The following BRD9 variants were observed in gnomAD, a reference collection of about 807,000 sequenced individuals.
BRD9 encodes bromodomain containing 9.
BRD9 carries 47 observed loss-of-function variants against 68.7 expected under a neutral mutation model. The ratio of observed to expected loss-of-function variants is 0.68; its 90% CI spans 0.54 to 0.87. The LOEUF (loss-of-function observed/expected upper bound fraction) is 0.87. Among genes scored for constraint, BRD9 ranks in the 40% least tolerant of loss-of-function variants. The probability of loss-of-function intolerance (pLI) is 0.00; values close to 1 mark genes in which losing one functional copy is unlikely to be tolerated. For missense variants in BRD9, 670 were observed against 748.4 expected, an observed-to-expected ratio of 0.90 and a Z score of 1.22; for synonymous variants, 313 against 293.9, an observed-to-expected ratio of 1.06 and a Z score of -0.67.
At position 892,599 on chromosome 5, in the gene BRD9, G is replaced by T; in HGVS notation, c.52+7C>A. On this transcript the variant is annotated splice_region_variant and intron_variant, in intron 1 of 15. Transcript: ENST00000467963. ...CCGCCGCGCGTCACAAAGCGCCGCC[G>T]CCTCACCCTCGTAGGACGAGCGCCA... is the stretch of plus-strand genomic sequence containing the variant. The T allele has an allele frequency of 6.5e-7, 1 of 1,535,722 alleles. No homozygotes were observed. The highest frequency in any genetic ancestry group is 8.8e-7 in the Non-Finnish European group (1 of 1,140,630).
At chr5:870,180 G>A in intron 14 of BRD9, 1 of 317,580 alleles carries the variant, frequency 3.1e-6, no homozygotes, top group Non-Finnish European at 5.9e-6. Context: ...CATGGAGGCG[G>A]TAGGCAACAC....
At chr5:877,075 C>G (rs1478345035) in intron 11 of BRD9, among the ~76,000 whole-genome samples, 2 of 152,210 alleles carry the variant, frequency 1.3e-5, no homozygotes, top group Non-Finnish European at 2.9e-5. Flanking sequence ...TTCTTCACGG[C>G]AACATGGAAC....
At position 892,671 on chromosome 5, in the gene BRD9, G is replaced by T. The variant is rs1753640708; in HGVS notation, c.-14C>A. 2.1e-6 allele frequency: 3 copies of T among 1,407,866 alleles called. No homozygotes were observed. Among genetic ancestry groups the T allele is most frequent in the Non-Finnish European group, 2.8e-6 (3 of 1,079,474 alleles). 87.2% of individuals were successfully genotyped at this position (1,407,866 alleles called of 1,614,324 possible). A position where few individuals can be genotyped will look rare whatever the true frequency, so the allele number is the denominator to read the frequency against. On this transcript the variant is annotated 5_prime_UTR_variant, in exon 1 of 16. Coordinates refer to ENST00000467963, the MANE Select transcript of BRD9 (RefSeq NM_023924.5). ...CTTCTTGCCCATGGCGGCGCCGGCG[G>T]CGGGCCCGAGGCGGGGGCTGGGAAC...
intron 8 of BRD9, chr5:882,060 C>G (rs937901564): frequency 7.2e-5 from 11 of 152,676 alleles, no homozygotes; most frequent in African/African-American, 2.7e-4. Flanking sequence ...GGTGCAGACA[C>G]ACACAACAGG....
At chr5:886,951 C>G in intron 6 of BRD9, 1 of 598,090 alleles carries the variant, frequency 1.7e-6, no homozygotes, top group Non-Finnish European at 2.9e-6. Flanking sequence ...AGGTGCCGCA[C>G]CTCCCCTTTA....
chr5:870,627 A>C (rs1750005625), intron 13 of BRD9, 52 bp from the exon 14 acceptor site: 1 of 1,270,462 alleles, frequency 7.9e-7, no homozygotes, highest in Non-Finnish European at 1.1e-6. Flanking sequence ...ACGAAAAACG[A>C]AATGTTACTT....
chr5:878,145 A>G (rs73733933), intron 11 of BRD9, among the ~76,000 whole-genome samples: 5,725 of 152,248 alleles, frequency 0.038, 341 homozygotes, highest in African/African-American at 0.13. Context: ...CGCCCTGATC[A>G]CCACCTTCTG....
intron 11 of BRD9, among the ~76,000 whole-genome samples, chr5:877,377 G>C (rs61260719): frequency 6.6e-6 from 1 of 152,084 alleles, no homozygotes; most frequent in Non-Finnish European, 1.5e-5. Flanking sequence ...CATTTTCCAC[G>C]TTTACTTCAT....
chr5:888,660 TA>T (rs1752916779), intron 5 of BRD9, among the ~76,000 whole-genome samples: 1 of 152,232 alleles, frequency 6.6e-6, no homozygotes, highest in South Asian at 2.1e-4. Flanking sequence ...TCAATTAGTG[TA>T]AGACAAAACT....
intron 6 of BRD9, 179 bp from the exon 7 acceptor site, chr5:886,886 A>G (rs759970269): frequency 1.2e-5 from 13 of 1,112,820 alleles, no homozygotes; most frequent in Non-Finnish European, 1.6e-5. Flanking sequence ...CTAACTTTCC[A>G]CGGCGGAGCA....
At chr5:880,878 C>T (rs921783179) in intron 9 of BRD9, among the ~76,000 whole-genome samples, 5 of 152,248 alleles carry the variant, frequency 3.3e-5, no homozygotes, top group Non-Finnish European at 1.5e-5. Context: ...AGTCCCGCTG[C>T]TCCCAAGGAG....
chr5:865,321 C>T (rs1749216730), intron 15 of BRD9, 93 bp downstream of exon 15: 2 of 1,437,866 alleles, frequency 1.4e-6, no homozygotes, highest in Admixed American at 4.7e-5. Flanking sequence ...CTCCAGCCTT[C>T]CCACAACTAC....
At chr5:886,987 G>C (rs1752670599) in intron 6 of BRD9, 1 of 533,470 alleles carries the variant, frequency 1.9e-6, no homozygotes, top group Non-Finnish European at 3.4e-6. Flanking sequence ...GATGCATGCA[G>C]CCTGGCTCAC....
chr5:892,766 C>G lies in BRD9; in HGVS notation c.-109G>C, dbSNP rs1008587822. ...TGGCTGGCCGCCCGCGCTCGCTGCG[C>G]CGAGGTTGCCGAGCTCGCTGGGCCG... is the stretch of plus-strand genomic sequence containing the variant. On this transcript the variant is annotated 5_prime_UTR_variant, in exon 1 of 16. Transcript: ENST00000467963. The G allele has an allele frequency of 9.0e-5, 101 of 1,122,586 alleles. No individual in the cohort carries two copies. The African/African-American group carries it at 1.6e-3, about 18-fold the overall frequency. 69.5% of individuals were successfully genotyped at this position (1,122,586 alleles called of 1,614,324 possible). A position where few individuals can be genotyped will look rare whatever the true frequency, so the allele number is the denominator to read the frequency against.
chr5:883,169 A>G (rs1346252003), intron 8 of BRD9: 1 of 372,158 alleles, frequency 2.7e-6, no homozygotes, highest in African/African-American at 2.1e-5. Flanking sequence ...CACAGGCAAA[A>G]AGCAGCAGAC....
At chr5:883,798 C>G in intron 8 of BRD9, 140 bp downstream of exon 8, 2 of 1,215,098 alleles carry the variant, frequency 1.6e-6, no homozygotes, top group South Asian at 2.9e-5. Context: ...TGTGTCTGAT[C>G]CGGACCTCCC....
At chr5:877,939 G>C (rs958848533) in intron 11 of BRD9, among the ~76,000 whole-genome samples, 2 of 152,158 alleles carry the variant, frequency 1.3e-5, no homozygotes, top group Non-Finnish European at 2.9e-5. Context: ...CGGAAAGACG[G>C]CACCTGCAGG....
In BRD9 at chr5:887,490, A is replaced by C; in HGVS notation, c.607-19T>G. On this transcript the variant is annotated intron_variant, in intron 5 of 15. Coordinates refer to ENST00000467963, the MANE Select transcript of BRD9 (RefSeq NM_023924.5). Reference sequence around the variant, plus strand: ...AATCTGCCTGAAAAGAAAACAGGAAAGACTTATCAGGTTTGAAATGCCACA... The same window carrying C: ...AATCTGCCTGAAAAGAAAACAGGAACGACTTATCAGGTTTGAAATGCCACA... 6.3e-7 allele frequency: 1 copy of C among 1,587,148 alleles called. No individual in the cohort carries two copies. The highest frequency in any genetic ancestry group is 8.6e-7 in the Non-Finnish European group (1 of 1,156,258).
intron 8 of BRD9, 53 bp downstream of exon 8, chr5:883,885 A>C (rs1752164411): frequency 2.5e-6 from 4 of 1,586,576 alleles, no homozygotes; most frequent in Non-Finnish European, 3.4e-6. Context: ...GGAGAGGCAC[A>C]CAGAGAGTCT....
Sources: gnomAD v4.1 joint callset for allele counts (sites outside exome capture counted in the v4.1 genomes callset) on GRCh38, gnomAD v4.1.1 for gene constraint, MANE v1.5 for transcripts, NCBI Gene and HGNC (gene_info 2026-07-23, HGNC 2026-07-21) for gene names.